Variants in SULT1B1 observed in about 807,000 individuals in gnomAD.
SULT1B1 encodes the protein sulfotransferase 1B1.
A neutral mutation model predicts 34.6 loss-of-function variants in SULT1B1; 28 were observed. The observed-to-expected ratio is 0.81, with a 90% CI of 0.60 to 1.11. SULT1B1 has a LOEUF of 1.11. SULT1B1 is among the 50% of genes least tolerant of loss of function. SULT1B1 has a pLI of 0.00. For synonymous variants in SULT1B1, 147 were observed against 110.2 expected, an observed-to-expected ratio of 1.33 and a Z score of -2.09; for missense variants, 374 against 352.2, an observed-to-expected ratio of 1.06 and a Z score of -0.50.
intron 4 of SULT1B1, among the ~76,000 whole-genome samples, chr4:69,737,317 G>T (rs535491568): frequency 6.2e-4 from 95 of 152,098 alleles, no homozygotes; most frequent in Non-Finnish European, 7.4e-4. Flanking sequence ...AGAATCAATT[G>T]CTAGCAGACC....
chr4:69,733,207 C>T (rs1195698623), intron 6 of SULT1B1, among the ~76,000 whole-genome samples: 1 of 152,006 alleles, frequency 6.6e-6, no homozygotes, highest in Non-Finnish European at 1.5e-5. Context: ...AACGCAGTGG[C>T]TAAGAAATAA....
At chr4:69,757,037 C>T (rs2110033474) in intron 1 of SULT1B1, among the ~76,000 whole-genome samples, 1 of 151,940 alleles carries the variant, frequency 6.6e-6, no homozygotes. Flanking sequence ...TTCCTGTGGC[C>T]CCATCAATTG....
rs1347200254 is a variant in SULT1B1, at chr4:69,756,324, C to A, written c.-44-1063G>T. Among the ~76,000 whole-genome samples the A allele has an allele frequency of 3.3e-5, 5 of 152,116 alleles. No homozygotes were observed. The South Asian group carries it at 6.2e-4, about 19-fold the overall frequency. On this transcript the variant is annotated intron_variant, in intron 1 of 7. Transcript: ENST00000310613. ...GGATGCTTGGTGTTCCTGTTAACTT[C>A]TTCTTGATTAGAAGCTGTCATTGAT...
intron 1 of SULT1B1, among the ~76,000 whole-genome samples, chr4:69,756,507 G>C (rs754488202): frequency 4.6e-5 from 7 of 152,184 alleles, no homozygotes; most frequent in African/African-American, 9.6e-5. Context: ...CAGCCAATTA[G>C]TTGAAGTCTG....
In SULT1B1 at chr4:69,758,281, A is replaced by G. The variant is rs187282970; in HGVS notation, c.-45+2178T>C. The G allele has an allele frequency of 1.6e-4, 154 of 982,818 alleles. No individual in the cohort carries two copies. In the Admixed American group the frequency reaches 2.0e-3, roughly 13 times the overall value. The allele number at this position is 982,818 out of a possible 1,614,324, so 60.9% of individuals were successfully genotyped here. On this transcript the variant is annotated intron_variant, in intron 1 of 7. Transcript: ENST00000310613. ...ATAAATTGAATGAAGAAATGAATGA[A>G]TGATGAGATTTCCACTTCTCACCCA...
At chr4:69,759,996 A>G (rs1319264278) in intron 1 of SULT1B1, among the ~76,000 whole-genome samples, 1 of 152,228 alleles carries the variant, frequency 6.6e-6, no homozygotes, top group African/African-American at 2.4e-5. Flanking sequence ...TTCATTTGTC[A>G]TACTCTGACA....
Position 69,725,336 on chromosome 4 carries a change from A to G in SULT1B1, c.*1752T>C, listed in dbSNP as rs1223482158. 2 of 152,190 alleles carry G rather than the reference A, an allele frequency of 1.3e-5. No individual in the cohort carries two copies. The highest frequency in any genetic ancestry group is 2.1e-4 in the South Asian group (1 of 4,832). The allele number at this position is 152,190 out of a possible 1,614,324, so 9.4% of individuals were successfully genotyped here. ...CCACAATGAGATACCATCTCACACCAGTTAGAATGGCAATCATTAAAAAGT... is the reference window on the plus strand; with the variant it reads ...CCACAATGAGATACCATCTCACACCGGTTAGAATGGCAATCATTAAAAAGT... On this transcript the variant is annotated 3_prime_UTR_variant, in exon 8 of 8. Transcript: ENST00000310613.
At chr4:69,733,638 A>T in intron 5 of SULT1B1, 131 bp from the exon 6 acceptor site, 1 of 620,598 alleles carries the variant, frequency 1.6e-6, no homozygotes, top group South Asian at 2.8e-5. Flanking sequence ...GGACAATCTT[A>T]AAAAGTAAAA....
At position 69,734,252 on chromosome 4, in the gene SULT1B1, C is replaced by A. The variant is rs776018831; in HGVS notation, c.388G>T (p.Ala130Ser). 1.9e-6 allele frequency: 3 copies of A among 1,609,916 alleles called. No individual in the cohort carries two copies. The highest frequency in any genetic ancestry group is 1.7e-6 in the Non-Finnish European group (2 of 1,178,330). The change falls in exon 5 of 8, where the codon GCT (alanine) becomes TCT (serine). Residue 130 changes from alanine (A) to serine (S), a missense_variant. Physicochemically the swap from Ala to Ser is moderately conservative, Grantham distance 99. Transcript: ENST00000310613. Reference protein sequence around the residue: ...WENNCKMIYLARNAKDVSVSY... With the variant: ...WENNCKMIYLSRNAKDVSVSY... ...ACTGAAACATCCTTGGCATTACGAGCCAGATAAATCATCTGCAGTGGGGGG... is the reference window on the plus strand; with the variant it reads ...ACTGAAACATCCTTGGCATTACGAGACAGATAAATCATCTGCAGTGGGGGG...
chr4:69,755,248 G>T lies in SULT1B1; in HGVS notation c.-31C>A. On this transcript the variant is annotated 5_prime_UTR_variant, in exon 2 of 8. Transcript: ENST00000310613. ...TACCAGATTGTACAAATATATAATA[G>T]ATTGACAGTTGTTCTGGAGAAATAT... The T allele has an allele frequency of 6.3e-7, 1 of 1,599,508 alleles. No individual in the cohort carries two copies. The highest frequency in any genetic ancestry group is 8.6e-7 in the Non-Finnish European group (1 of 1,167,834).
chr4:69,754,536 G>A, intron 3 of SULT1B1, 134 bp downstream of exon 3: 2 of 818,406 alleles, frequency 2.4e-6, no homozygotes, highest in Non-Finnish European at 3.8e-6. Context: ...TTATTCTTCA[G>A]TTTTATATTG....
chr4:69,726,305 T>A lies in SULT1B1; in HGVS notation c.*783A>T, dbSNP rs960841432. The A allele has an allele frequency of 6.6e-6, 1 of 151,254 alleles. No individual in the cohort carries two copies. The highest frequency in any genetic ancestry group is 1.5e-5 in the Non-Finnish European group (1 of 67,814). 9.4% of individuals were successfully genotyped at this position (151,254 alleles called of 1,614,324 possible). A position where few individuals can be genotyped will look rare whatever the true frequency, so the allele number is the denominator to read the frequency against. On this transcript the variant is annotated 3_prime_UTR_variant, in exon 8 of 8. Transcript: ENST00000310613. ...CTATCCAAATATAAGATTAAGTAAC[T>A]GAAGTTCCCAAATGGTGACCAGAAC...
chr4:69,753,832 G>A (rs1719081204), intron 3 of SULT1B1, among the ~76,000 whole-genome samples: 1 of 152,152 alleles, frequency 6.6e-6, no homozygotes, highest in Non-Finnish European at 1.5e-5. Flanking sequence ...CCAAGTTTTG[G>A]CCAATCAAAG....
rs756634135 is a variant in SULT1B1 at position 69,730,651 on chromosome 4, T to C, written c.628A>G (p.Arg210Gly). The C allele has an allele frequency of 6.8e-6, 11 of 1,612,702 alleles. No individual in the cohort carries two copies. The South Asian group carries it at 8.8e-5, about 13-fold the overall frequency. ...NPKEEIKKII[R>G]FLEKNLNDEI... ...TCATTCAGGTTCTTCTCTAGAAATC[T>C]AATGATCTTCTTGATTTCCTCCTTT... The change falls in exon 7 of 8, where the codon AGA becomes GGA. Residue 210 changes from arginine to glycine, a missense_variant. By Grantham distance (125) the Arg-to-Gly change is moderately radical. Coordinates refer to ENST00000310613, the MANE Select transcript of SULT1B1 (RefSeq NM_014465.4).
intron 2 of SULT1B1, 79 bp downstream of exon 2, chr4:69,754,991 T>C: frequency 7.4e-7 from 1 of 1,350,668 alleles, no homozygotes; most frequent in Non-Finnish European, 1.0e-6. Context: ...TTTAGAATGG[T>C]AATGATTTTA....
chr4:69,756,639 A>G (rs1164822130), intron 1 of SULT1B1, among the ~76,000 whole-genome samples: 1 of 152,092 alleles, frequency 6.6e-6, no homozygotes, highest in Admixed American at 6.5e-5. Context: ...CTCAAACTGA[A>G]GCATTGCTCT....
In SULT1B1 at chr4:69,726,642, AAC is replaced by A. The variant is rs1318081280; in HGVS notation, c.*444_*445del. On this transcript the variant is annotated 3_prime_UTR_variant, in exon 8 of 8. Coordinates refer to ENST00000310613, the MANE Select transcript of SULT1B1 (RefSeq NM_014465.4). The stretch of plus-strand genomic sequence containing the variant: ...CTTGAAACTCGGTAGACAGCAGTGG[AAC>A]ACAGTGTCCTGGGTCAAATTTTCGG... The A allele has an allele frequency of 2.0e-5, 3 of 152,302 alleles. No individual in the cohort carries two copies. The highest frequency in any genetic ancestry group is 1.3e-4 in the Admixed American group (2 of 15,232). 9.4% of individuals were successfully genotyped at this position (152,302 alleles called of 1,614,324 possible). A position where few individuals can be genotyped will look rare whatever the true frequency, so the allele number is the denominator to read the frequency against.
rs1717677818 is a variant in SULT1B1 at position 69,721,995 on chromosome 4, T to A, written c.*5093A>T. 1.3e-5 allele frequency: 2 copies of A among 152,080 alleles called. No individual in the cohort carries two copies. Among genetic ancestry groups the A allele is most frequent in the South Asian group, 4.1e-4 (2 of 4,832 alleles). The allele number at this position is 152,080 out of a possible 1,614,324, so 9.4% of individuals were successfully genotyped here. On this transcript the variant is annotated 3_prime_UTR_variant, in exon 8 of 8. Coordinates refer to ENST00000310613, the MANE Select transcript of SULT1B1 (RefSeq NM_014465.4). ...TTTAGAAAAATTAATTTTGCAGTAT[T>A]CTGATTGATTTCAAAGGGTATCAAA...
In SULT1B1 at chr4:69,734,246, T is replaced by C; in HGVS notation, c.394A>G (p.Asn132Asp). The change falls in exon 5 of 8, where the codon AAT becomes GAT. Residue 132 changes from asparagine (N) to aspartate (D), a missense_variant. Physicochemically the swap from Asn to Asp is conservative, Grantham distance 23. Transcript: ENST00000310613. Reference sequence around the variant, plus strand: ...TATGAGACTGAAACATCCTTGGCATTACGAGCCAGATAAATCATCTGCAGT... The same window carrying C: ...TATGAGACTGAAACATCCTTGGCATCACGAGCCAGATAAATCATCTGCAGT... ...NNCKMIYLAR[N>D]AKDVSVSYYH... is the part of the protein sequence containing the mutation. The C allele has an allele frequency of 6.2e-7, 1 of 1,611,752 alleles. No homozygotes were observed.
Sources: allele counts gnomAD v4.1 joint callset (sites outside exome capture counted in the v4.1 genomes callset), GRCh38; gene constraint gnomAD v4.1.1; transcripts MANE v1.5; gene names NCBI Gene and HGNC (gene_info 2026-07-23, HGNC 2026-07-21).